RNF207: variants seen among roughly 807,000 people sequenced by gnomAD.
The protein encoded by RNF207 is ring finger protein 207, also known as OTTHUMG00000001089.
A neutral mutation model predicts 79.0 loss-of-function variants in RNF207; 72 were observed. The ratio of observed to expected loss-of-function variants is 0.91; its 90% CI spans 0.75 to 1.11. The LOEUF (loss-of-function observed/expected upper bound fraction) is 1.11, where lower values mean the gene tolerates loss of function less well. RNF207 is among the 50% of genes least tolerant of loss of function. The pLI, the probability that RNF207 is intolerant of heterozygous loss-of-function variation, is 0.00. For synonymous variants in RNF207, 348 were observed against 366.2 expected, an observed-to-expected ratio of 0.95 and a Z score of 0.57; for missense variants, 936 against 855.8, an observed-to-expected ratio of 1.09 and a Z score of -1.17.
Position 6,211,142 on chromosome 1 carries a change from G to A in RNF207, c.1109+24G>A, listed in dbSNP as rs1443890660. Reference sequence around the variant, plus strand: ...ACGTGAGCAGCAACCGGGGAGGCCAGGCACAAGGTCCCCAACACTGGGGTG... The same window carrying A: ...ACGTGAGCAGCAACCGGGGAGGCCAAGCACAAGGTCCCCAACACTGGGGTG... On this transcript the variant is annotated intron_variant, in intron 12 of 17. Coordinates refer to ENST00000377939, the MANE Select transcript of RNF207 (RefSeq NM_207396.3). This position sits in a 1 kb window ranked among gnomAD's most constrained non-coding sequence, Gnocchi z 4.2. The A allele has an allele frequency of 1.3e-6, 2 of 1,522,552 alleles. No individual in the cohort carries two copies. The highest frequency in any genetic ancestry group is 1.8e-6 in the Non-Finnish European group (2 of 1,128,396). The allele number at this position is 1,522,552 out of a possible 1,614,324, so 94.3% of individuals were successfully genotyped here.
At position 6,213,053 on chromosome 1, in the gene RNF207, C is replaced by G; in HGVS notation, c.1535-13C>G. 6.3e-7 allele frequency: 1 copy of G among 1,579,492 alleles called. No homozygotes were observed. Among genetic ancestry groups the G allele is most frequent in the South Asian group, 1.1e-5 (1 of 90,008 alleles). On this transcript the variant is annotated splice_polypyrimidine_tract_variant and intron_variant, in intron 15 of 17. Coordinates refer to ENST00000377939, the MANE Select transcript of RNF207 (RefSeq NM_207396.3). ...CAGGATTAAGACCCCATGCTCTGGC[C>G]TTGGCCCCACAGCCCAGCTCCATGA...
At chr1:6,209,749 G>A (rs1198482715) in intron 7 of RNF207, among the ~76,000 whole-genome samples, 175 bp from the exon 8 acceptor site, 3 of 152,126 alleles carry the variant, frequency 2.0e-5, no homozygotes, top group Non-Finnish European at 4.4e-5. Context: ...ACTTCCCTGG[G>A]GAGGTGACAT....
intron 3 of RNF207, chr1:6,208,657 AC>A: frequency 4.2e-6 from 2 of 476,860 alleles, no homozygotes; most frequent in Non-Finnish European, 7.1e-6. Flanking sequence ...CGCGTCCCCC[AC>A]CCCCCTCCAC....
Position 6,219,404 on chromosome 1 carries a change from T to G in RNF207, c.1902T>G (p.Thr634=). The change falls in exon 18 of 18, where the codon ACT becomes ACG. Residue 634 remains threonine (T), a synonymous_variant. Transcript: ENST00000377939. ...GDVPTWREHP[T] is the part of the protein sequence containing the mutation. Reference sequence around the variant, plus strand: ...TCCCCACATGGAGGGAACACCCGACTTAGCAAATGGGACCGGTCCCCAGGG... The same window carrying G: ...TCCCCACATGGAGGGAACACCCGACGTAGCAAATGGGACCGGTCCCCAGGG... 1 of 1,600,344 alleles carries G rather than the reference T, an allele frequency of 6.2e-7. No homozygotes were observed. The highest frequency in any genetic ancestry group is 8.5e-7 in the Non-Finnish European group (1 of 1,172,756).
In RNF207 at chr1:6,208,957, C is replaced by T. The variant is rs1287604887; in HGVS notation, c.401C>T (p.Ala134Val). The T allele has an allele frequency of 6.5e-7, 1 of 1,536,644 alleles. No homozygotes were observed. Among genetic ancestry groups the T allele is most frequent in the East Asian group, 2.5e-5 (1 of 40,800 alleles). ...CARCRDETHRARMFARHDIVA... is the reference protein window; with the variant it reads ...CARCRDETHRVRMFARHDIVA... ...CGCTGCCGCGACGAGACGCACCGAGCACGCATGTTCGCGCGCCACGACATC... is the reference window on the plus strand; with the variant it reads ...CGCTGCCGCGACGAGACGCACCGAGTACGCATGTTCGCGCGCCACGACATC... Residue 134 changes from alanine (A) to valine (V), a missense_variant, in exon 4 of 18, where the codon GCA becomes GTA. Coordinates refer to ENST00000377939, the MANE Select transcript of RNF207 (RefSeq NM_207396.3).
At position 6,213,136 on chromosome 1, in the gene RNF207, G is replaced by T. The variant is rs115428712; in HGVS notation, c.1605G>T (p.Thr535=). ...TGACCACCATCACCAAGCAGATCAC[G>T]CCCTACGTCCGCTCCATTGCCAAGG... is the stretch of plus-strand genomic sequence containing the variant. ...AYLTTITKQI[T]PYVRSIAKVK... The change falls in exon 16 of 18, where the codon ACG becomes ACT. Residue 535 remains threonine, a synonymous_variant. Coordinates refer to ENST00000377939, the MANE Select transcript of RNF207 (RefSeq NM_207396.3). The T allele has an allele frequency of 4.3e-6, 7 of 1,613,300 alleles. No homozygotes were observed. The highest frequency in any genetic ancestry group is 5.9e-6 in the Non-Finnish European group (7 of 1,179,774).
rs1410004964 is a variant in RNF207 at position 6,209,916 on chromosome 1, T to G, written c.754-8T>G. The stretch of plus-strand genomic sequence containing the variant: ...GCAAATCAAGAGCATGCTCGCCATC[T>G]CTCCCAGGACAGGCTGGCAGAGAGG... On this transcript the variant is annotated splice_region_variant and splice_polypyrimidine_tract_variant and intron_variant, in intron 7 of 17. Coordinates refer to ENST00000377939, the MANE Select transcript of RNF207 (RefSeq NM_207396.3). 1 of 1,576,016 alleles carries G rather than the reference T, an allele frequency of 6.3e-7. No homozygotes were observed. The highest frequency in any genetic ancestry group is 1.2e-5 in the South Asian group (1 of 86,356).
At chr1:6,206,428 C>T in intron 1 of RNF207, 108 bp from the exon 2 acceptor site, 1 of 754,560 alleles carries the variant, frequency 1.3e-6, no homozygotes, top group Non-Finnish European at 2.1e-6. Flanking sequence ...GACGCCCAGT[C>T]GGGTCCAGGC....
intron 3 of RNF207, among the ~76,000 whole-genome samples, chr1:6,208,464 G>A (rs1487543458): frequency 6.6e-6 from 1 of 152,040 alleles, no homozygotes; most frequent in African/African-American, 2.4e-5. Flanking sequence ...GACTCCAGGC[G>A]CCCGCCACCA....
rs1248174872 is a variant in RNF207 at position 6,212,674 on chromosome 1, T to A, written c.1483-8T>A. 6.2e-7 allele frequency: 1 copy of A among 1,613,186 alleles called. No homozygotes were observed. The highest frequency in any genetic ancestry group is 8.5e-7 in the Non-Finnish European group (1 of 1,179,172). ...TGCCACATCCAATGTCCAGCTTTTCTCTTTCAGATTTGGGAGGAAGCCTAT... is the reference window on the plus strand; with the variant it reads ...TGCCACATCCAATGTCCAGCTTTTCACTTTCAGATTTGGGAGGAAGCCTAT... On this transcript the variant is annotated splice_region_variant and splice_polypyrimidine_tract_variant and intron_variant, in intron 14 of 17. Coordinates refer to ENST00000377939, the MANE Select transcript of RNF207 (RefSeq NM_207396.3).
chr1:6,219,257 G>A lies in RNF207; in HGVS notation c.1755G>A (p.Pro585=), dbSNP rs757120177. The A allele has an allele frequency of 9.9e-6, 16 of 1,611,272 alleles. No homozygotes were observed. The highest frequency in any genetic ancestry group is 5.5e-5 in the South Asian group (5 of 90,736). Residue 585 remains proline, a synonymous_variant, in exon 18 of 18, where the codon CCG becomes CCA. Transcript: ENST00000377939. ...TTAGGAATAATCCAGGAAGTGTCCCGGAAAAGAGAGAGAAGACATCAGAGC... is the reference window on the plus strand; with the variant it reads ...TTAGGAATAATCCAGGAAGTGTCCCAGAAAAGAGAGAGAAGACATCAGAGC... The part of the protein sequence containing the change: ...ASARNNPGSV[P]EKREKTSEPK...
Position 6,220,654 on chromosome 1 carries a change from T to C in RNF207, c.*1247T>C, listed in dbSNP as rs1668518938. ...CAACTTCGCTGCTTTCCCAAACTCCTGCAGCCCTCCTGAGTCCGACTTCCG... is the reference window on the plus strand; with the variant it reads ...CAACTTCGCTGCTTTCCCAAACTCCCGCAGCCCTCCTGAGTCCGACTTCCG... On this transcript the variant is annotated 3_prime_UTR_variant, in exon 18 of 18. Transcript: ENST00000377939. 6.6e-6 allele frequency: 1 copy of C among 152,244 alleles called. No homozygotes were observed. Among genetic ancestry groups the C allele is most frequent in the Non-Finnish European group, 1.5e-5 (1 of 68,040 alleles). The allele number at this position is 152,244 out of a possible 1,614,324, so 9.4% of individuals were successfully genotyped here.
rs1223768788 is a variant in RNF207, at chr1:6,206,626, C to G, written c.91C>G (p.Gln31Glu). 6.2e-7 allele frequency: 1 copy of G among 1,607,916 alleles called. No individual in the cohort carries two copies. Among genetic ancestry groups the G allele is most frequent in the Non-Finnish European group, 8.5e-7 (1 of 1,179,798 alleles). Reference protein sequence around the residue: ...HPLVCPLCHVQYERPCLLDCF... With the variant: ...HPLVCPLCHVEYERPCLLDCF... ...GCTGGTGTGCCCGCTGTGCCACGTG[C>G]AGTACGAGCGCCCGTGTCTTCTGGA... is the stretch of plus-strand genomic sequence containing the variant. Residue 31 changes from glutamine (Q) to glutamate (E), a missense_variant, in exon 2 of 18, where the codon CAG becomes GAG. Coordinates refer to ENST00000377939, the MANE Select transcript of RNF207 (RefSeq NM_207396.3).
At position 6,213,069 on chromosome 1, in the gene RNF207, A is replaced by G. The variant is rs1668237192; in HGVS notation, c.1538A>G (p.Gln513Arg). ...TGCTCTGGCCTTGGCCCCACAGCCCAGCTCCATGACCTTCTCCAGCTGAGG... is the reference window on the plus strand; with the variant it reads ...TGCTCTGGCCTTGGCCCCACAGCCCGGCTCCATGACCTTCTCCAGCTGAGG... ...VANEQEIYEAQLHDLLQLRQE... is the reference protein window; with the variant it reads ...VANEQEIYEARLHDLLQLRQE... The change falls in exon 16 of 18, where the codon CAG becomes CGG. Residue 513 changes from glutamine (Q) to arginine (R), a missense_variant. By Grantham distance (43) the Gln-to-Arg change is conservative (BLOSUM62 1). Transcript: ENST00000377939. 1.2e-6 allele frequency: 2 copies of G among 1,611,106 alleles called. No homozygotes were observed. Among genetic ancestry groups the G allele is most frequent in the African/African-American group, 1.3e-5 (1 of 74,910 alleles).
At position 6,207,158 on chromosome 1, in the gene RNF207, G is replaced by A. The variant is rs1667941286; in HGVS notation, c.192-221G>A. 6.6e-6 allele frequency among the ~76,000 whole-genome samples: 1 copy of A among 152,170 alleles called. No homozygotes were observed. Among genetic ancestry groups the A allele is most frequent in the African/African-American group, 2.4e-5 (1 of 41,436 alleles). ...GGAGCAGCTTCTGCTTTTGATACTAGGGGACCAACCCCACTGTCTGCAGGA... is the reference window on the plus strand; with the variant it reads ...GGAGCAGCTTCTGCTTTTGATACTAAGGGACCAACCCCACTGTCTGCAGGA... On this transcript the variant is annotated intron_variant, in intron 2 of 17. Transcript: ENST00000377939. The surrounding 1 kb of genome is among the most constrained non-coding windows in gnomAD (Gnocchi z 4.5).
rs1160397672 is a variant in RNF207 at position 6,209,915 on chromosome 1, C to T, written c.754-9C>T. The T allele has an allele frequency of 2.5e-6, 4 of 1,576,990 alleles. No homozygotes were observed. Among genetic ancestry groups the T allele is most frequent in the Non-Finnish European group, 3.4e-6 (4 of 1,162,622 alleles). On this transcript the variant is annotated splice_polypyrimidine_tract_variant and intron_variant, in intron 7 of 17. Coordinates refer to ENST00000377939, the MANE Select transcript of RNF207 (RefSeq NM_207396.3). ...CGCAAATCAAGAGCATGCTCGCCAT[C>T]TCTCCCAGGACAGGCTGGCAGAGAG... is the stretch of plus-strand genomic sequence containing the variant.
intron 16 of RNF207, among the ~76,000 whole-genome samples, chr1:6,215,394 C>T (rs957581975): frequency 2.0e-5 from 3 of 150,572 alleles, no homozygotes; most frequent in African/African-American, 7.3e-5. Context: ...TTGAAATTCC[C>T]GGGCTCAAGT....
intron 3 of RNF207, chr1:6,208,021 T>G (rs1439349374): frequency 3.2e-6 from 1 of 311,072 alleles, no homozygotes; most frequent in Non-Finnish European, 6.5e-6. Context: ...TCTGGACAAG[T>G]GCTGAGCAAT....
chr1:6,213,210 C>T lies in RNF207; in HGVS notation c.1652+27C>T. The T allele has an allele frequency of 2.1e-6, 3 of 1,425,628 alleles. No individual in the cohort carries two copies. In the African/African-American group the frequency reaches 4.2e-5, roughly 20 times the overall value. The allele number at this position is 1,425,628 out of a possible 1,614,324, so 88.3% of individuals were successfully genotyped here. ...TGAGGCCAAGGGGGTGTTCCCAGGG[C>T]CACTGAGACTCTTCAGAATGTGCAT... is the stretch of plus-strand genomic sequence containing the variant. On this transcript the variant is annotated intron_variant, in intron 16 of 17. Coordinates refer to ENST00000377939, the MANE Select transcript of RNF207 (RefSeq NM_207396.3).
Sources: gnomAD v4.1 joint callset for allele counts (sites outside exome capture counted in the v4.1 genomes callset) on GRCh38, gnomAD v4.1.1 for gene constraint, Gnocchi (gnomAD v3.1) non-coding constraint, MANE v1.5 for transcripts, NCBI Gene and HGNC (gene_info 2026-07-23, HGNC 2026-07-21) for gene names.